Variants in SLC25A26 observed in about 807,000 individuals in gnomAD.
SLC25A26 encodes the protein mitochondrial S-adenosylmethionine carrier protein.
SLC25A26 carries 36 observed loss-of-function variants against 37.8 expected under a neutral mutation model. That is an observed-to-expected ratio of 0.95 (90% CI 0.73 to 1.26). The LOEUF (loss-of-function observed/expected upper bound fraction) is 1.26, where lower values mean the gene tolerates loss of function less well. Among genes scored for constraint, SLC25A26 ranks in the 50% most tolerant of loss-of-function variants. The pLI is 0.00. For missense variants in SLC25A26, 390 were observed against 331.1 expected, an observed-to-expected ratio of 1.18 and a Z score of -1.38; for synonymous variants, 129 against 122.5, an observed-to-expected ratio of 1.05 and a Z score of -0.35.
rs533363148 is a variant in SLC25A26, at chr3:66,225,407, G to T, written c.33+4280G>T. 2.6e-5 allele frequency among the ~76,000 whole-genome samples: 4 copies of T among 152,262 alleles called. No homozygotes were observed. The East Asian group carries it at 5.8e-4, about 22-fold the overall frequency. ...CTGAGCTCTACCTTGGCCCCTTCTAGCCACGGCTGTAATGGCTGGGACACA... is the reference window on the plus strand; with the variant it reads ...CTGAGCTCTACCTTGGCCCCTTCTATCCACGGCTGTAATGGCTGGGACACA... On this transcript the variant is annotated intron_variant, in intron 1 of 9. Coordinates refer to ENST00000354883, the MANE Select transcript of SLC25A26 (RefSeq NM_001379210.1).
chr3:66,267,888 G>T lies in SLC25A26; in HGVS notation c.453+4509G>T, dbSNP rs76256676. Among the ~76,000 whole-genome samples the T allele has an allele frequency of 3.5e-3, 528 of 152,214 alleles. 2 individuals are homozygous for T. Among genetic ancestry groups the T allele is most frequent in the African/African-American group, 0.012 (503 of 41,520 alleles). On this transcript the variant is annotated intron_variant, in intron 5 of 9. Coordinates refer to ENST00000354883, the MANE Select transcript of SLC25A26 (RefSeq NM_001379210.1). ...AGTGGGGATTCCCCTAAATCCAGTG[G>T]CTGGAAACGGGAACCTTCAGCGATC...
chr3:66,372,230 GT>G (rs1559750200), intron 9 of SLC25A26, among the ~76,000 whole-genome samples: 1 of 152,158 alleles, frequency 6.6e-6, no homozygotes, highest in Non-Finnish European at 1.5e-5. Context: ...TTTCAGTGTA[GT>G]TCATGTTTGA....
intron 2 of SLC25A26, among the ~76,000 whole-genome samples, chr3:66,238,622 C>A (rs2072415018): frequency 6.6e-6 from 1 of 152,144 alleles, no homozygotes; most frequent in East Asian, 1.9e-4. Context: ...GCCTTGGCCT[C>A]CCAAAGTGCT....
At chr3:66,310,724 A>G (rs777668312) in intron 5 of SLC25A26, among the ~76,000 whole-genome samples, 2 of 152,126 alleles carry the variant, frequency 1.3e-5, no homozygotes, top group Non-Finnish European at 2.9e-5. Flanking sequence ...TTGTCTGTAA[A>G]GGATTTTATT....
intron 3 of SLC25A26, among the ~76,000 whole-genome samples, chr3:66,248,664 C>T (rs2072954146): frequency 6.6e-6 from 1 of 152,188 alleles, no homozygotes; most frequent in East Asian, 1.9e-4. Context: ...TACATGTCCT[C>T]ATACACTTAG....
chr3:66,270,946 G>A (rs2073935842), intron 5 of SLC25A26, among the ~76,000 whole-genome samples: 1 of 152,142 alleles, frequency 6.6e-6, no homozygotes, highest in Non-Finnish European at 1.5e-5. Flanking sequence ...ACTTGAAAAT[G>A]CTACATATTT....
intron 1 of SLC25A26, among the ~76,000 whole-genome samples, chr3:66,148,986 C>T (rs1321297668): frequency 1.3e-5 from 2 of 152,118 alleles, no homozygotes; most frequent in Non-Finnish European, 2.9e-5. Flanking sequence ...AAAATCTATC[C>T]TTTATTCCTT....
intron 8 of SLC25A26, among the ~76,000 whole-genome samples, chr3:66,369,820 C>G (rs1414210616): frequency 1.3e-5 from 2 of 152,160 alleles, no homozygotes; most frequent in Non-Finnish European, 2.9e-5. Flanking sequence ...GGTGACAAAC[C>G]TAAGGGTCAG....
chr3:66,183,830 T>TCCTCAC lies in SLC25A26; in HGVS notation c.-353-36902_-353-36897dup, dbSNP rs1352553660. Among the ~76,000 whole-genome samples, 3 of 152,078 alleles carry TCCTCAC rather than the reference T, an allele frequency of 2.0e-5. No individual in the cohort carries two copies. In the East Asian group the frequency reaches 5.8e-4, roughly 29 times the overall value. On this transcript the variant is annotated intron_variant, in intron 1 of 10. Transcript: ENST00000676754. ...GGCTCTTACCCTGATTCTACCTTCA[T>TCCTCAC]CCTCACCCTCACCCTGAGCTTTGTC...
intron 1 of SLC25A26, among the ~76,000 whole-genome samples, chr3:66,191,838 C>T (rs1041081561): frequency 7.9e-5 from 12 of 151,238 alleles, no homozygotes; most frequent in East Asian, 5.9e-4. Flanking sequence ...TTGCGGTGAG[C>T]GGAGGTTGTG....
intron 5 of SLC25A26, among the ~76,000 whole-genome samples, chr3:66,326,195 A>G (rs2075833331): frequency 6.6e-6 from 1 of 152,172 alleles, no homozygotes; most frequent in African/African-American, 2.4e-5. Context: ...TATGGGCTAG[A>G]TTGCCGGACA....
intron 5 of SLC25A26, among the ~76,000 whole-genome samples, chr3:66,266,173 A>C (rs574933637): frequency 5.5e-5 from 5 of 91,410 alleles, no homozygotes; most frequent in Non-Finnish European, 1.1e-4. Flanking sequence ...ATTTATTCAG[A>C]GTTGATTTTA....
intron 6 of SLC25A26, among the ~76,000 whole-genome samples, chr3:66,351,509 C>T (rs1559728933): frequency 6.6e-6 from 1 of 152,134 alleles, no homozygotes; most frequent in Non-Finnish European, 1.5e-5. Flanking sequence ...GCTTGCTATT[C>T]TATCTTATCC....
intron 6 of SLC25A26, among the ~76,000 whole-genome samples, chr3:66,358,531 G>A (rs573966378): frequency 1.3e-5 from 2 of 152,172 alleles, no homozygotes; most frequent in African/African-American, 2.4e-5. Flanking sequence ...GTGTTACCAG[G>A]ACAACTATAT....
At chr3:66,169,645 C>G (rs1384666435) in intron 1 of SLC25A26, among the ~76,000 whole-genome samples, 1 of 152,168 alleles carries the variant, frequency 6.6e-6, no homozygotes, top group East Asian at 1.9e-4. Context: ...ATCTATGTCA[C>G]CAGTGCCTAG....
chr3:66,308,468 C>G (rs937581496), intron 5 of SLC25A26, among the ~76,000 whole-genome samples: 1 of 152,192 alleles, frequency 6.6e-6, no homozygotes, highest in African/African-American at 2.4e-5. Flanking sequence ...TTGACTTCCT[C>G]TCTTCCTATT....
chr3:66,235,336 C>A (rs938781934), intron 1 of SLC25A26, among the ~76,000 whole-genome samples: 4 of 152,052 alleles, frequency 2.6e-5, no homozygotes, highest in Non-Finnish European at 5.9e-5. Flanking sequence ...TCAGTTTTTT[C>A]CCCCCAAAAT....
intron 1 of SLC25A26, among the ~76,000 whole-genome samples, chr3:66,233,862 T>G (rs1276152407): frequency 6.6e-6 from 1 of 152,204 alleles, no homozygotes; most frequent in African/African-American, 2.4e-5. Flanking sequence ...AAAGAAGGGT[T>G]AGAGAATCAA....
chr3:66,179,932 A>T, intron 1 of SLC25A26, among the ~76,000 whole-genome samples: 1 of 152,236 alleles, frequency 6.6e-6, no homozygotes, highest in East Asian at 1.9e-4. Context: ...AAGCAATGCC[A>T]TGAACATATG....
Sources: allele counts gnomAD v4.1 joint callset (sites outside exome capture counted in the v4.1 genomes callset), GRCh38; gene constraint gnomAD v4.1.1; transcripts MANE v1.5; gene names NCBI Gene and HGNC (gene_info 2026-07-23, HGNC 2026-07-21).